CUX1: variants seen among roughly 807,000 people sequenced by gnomAD.
CUX1 encodes the protein cut like homeobox 1, also known as protein CASP.
In CUX1, 31 loss-of-function variants were observed where a neutral mutation model predicts 158.8. That is an observed-to-expected ratio of 0.20 (90% CI 0.15 to 0.26). The LOEUF is 0.26. Among genes scored for constraint, CUX1 ranks in the 10% least tolerant of loss-of-function variants. The probability of loss-of-function intolerance (pLI) is 1.00; values close to 1 mark genes in which losing one functional copy is unlikely to be tolerated. For synonymous variants in CUX1, 879 were observed against 862.1 expected (o/e 1.02, Z -0.34); for missense variants, 1,589 against 2,014.6 (o/e 0.79, Z 4.04).
chr7:101,858,871 G>C (rs1797156745), intron 1 of CUX1, among the ~76,000 whole-genome samples: 1 of 152,030 alleles, frequency 6.6e-6, no homozygotes, highest in South Asian at 2.1e-4. Context: ...TCGCCATGTT[G>C]GCCAGGCTGG....
chr7:101,839,618 G>A (rs139765219), intron 1 of CUX1, among the ~76,000 whole-genome samples: 2,356 of 151,636 alleles, frequency 0.016, 41 homozygotes, highest in Non-Finnish European at 0.02. Flanking sequence ...TTTTATACTT[G>A]TCAGCTTTTC....
downstream of CUX1, among the ~76,000 whole-genome samples, chr7:102,260,296 C>G (rs1217628129): frequency 6.7e-6 from 1 of 149,724 alleles, no homozygotes; most frequent in Non-Finnish European, 1.5e-5. Flanking sequence ...ACCATGTTGC[C>G]CAGGCTGGTC....
At chr7:101,853,584 G>GGGGTGTGTGTGTGT (rs754780783) in intron 1 of CUX1, among the ~76,000 whole-genome samples, 19 of 140,866 alleles carry the variant, frequency 1.3e-4, no homozygotes, top group African/African-American at 4.9e-4. Context: ...CAATAGAAAG[G>GGGGTGTGTGTGTGT]GTGTGTGTGT....
chr7:102,057,929 TTG>T (rs1269496035), intron 3 of CUX1, among the ~76,000 whole-genome samples: 1 of 152,176 alleles, frequency 6.6e-6, no homozygotes, highest in Non-Finnish European at 1.5e-5. Flanking sequence ...CACAGAAATC[TTG>T]TGTTAACGAA....
At position 101,874,724 on chromosome 7, in the gene CUX1, G is replaced by C. The variant is rs552953815; in HGVS notation, c.31-41391G>C. 5.1e-4 allele frequency among the ~76,000 whole-genome samples: 78 copies of C among 152,324 alleles called. No individual in the cohort carries two copies. In the South Asian group the frequency reaches 0.016, roughly 31 times the overall value. On this transcript the variant is annotated intron_variant, in intron 1 of 23. Coordinates refer to ENST00000292535, the MANE Select transcript of CUX1 (RefSeq NM_181552.4). ...TGGCATCGTGAACTCAGGGGAAACA[G>C]ATGGGGAATCTGTTGTTGTAACAAA...
chr7:102,101,067 A>C (rs2130945048), intron 5 of CUX1, among the ~76,000 whole-genome samples: 1 of 152,248 alleles, frequency 6.6e-6, no homozygotes, highest in South Asian at 2.1e-4. Flanking sequence ...GTGACTCATC[A>C]CCAGAGAGAG....
chr7:102,173,891 T>A (rs1792008040), intron 10 of CUX1, among the ~76,000 whole-genome samples: 1 of 152,100 alleles, frequency 6.6e-6, no homozygotes. Context: ...GGGTTCCAGC[T>A]GCAGCCAGTT....
intron 20 of CUX1, among the ~76,000 whole-genome samples, chr7:102,220,316 G>T (rs1441593724): frequency 6.6e-6 from 1 of 152,204 alleles, no homozygotes; most frequent in African/African-American, 2.4e-5. Flanking sequence ...AGCCGAGATT[G>T]CACCACTACA....
At chr7:102,018,255 C>T (rs1818904512) in intron 2 of CUX1, among the ~76,000 whole-genome samples, 1 of 152,198 alleles carries the variant, frequency 6.6e-6, no homozygotes. Flanking sequence ...GCCACTGTGC[C>T]CAGTCAGAGG....
chr7:101,971,111 C>G (rs570273615), intron 2 of CUX1, among the ~76,000 whole-genome samples: 16 of 152,342 alleles, frequency 1.1e-4, no homozygotes, highest in African/African-American at 3.8e-4. Context: ...TCTGGGGAGA[C>G]TGAGGCTCAG....
At chr7:102,136,392 CT>C (rs376020876) in intron 8 of CUX1, among the ~76,000 whole-genome samples, 1,521 of 145,988 alleles carry the variant, frequency 0.01, 12 homozygotes, top group South Asian at 0.037. Flanking sequence ...ATTTTACCAA[CT>C]TTTTTTTTTT....
chr7:102,028,224 T>C, intron 3 of CUX1, 79 bp downstream of exon 3: 1 of 1,498,098 alleles, frequency 6.7e-7, no homozygotes, highest in South Asian at 1.1e-5. Flanking sequence ...AAAGAAATGC[T>C]CCGGGCAAAA....
intron 1 of CUX1, among the ~76,000 whole-genome samples, chr7:101,871,555 A>G (rs906983836): frequency 1.3e-5 from 2 of 152,152 alleles, no homozygotes; most frequent in Non-Finnish European, 2.9e-5. Context: ...TGAGACAGGT[A>G]CAGGAGTGTC....
chr7:102,033,581 G>A (rs554948919), intron 3 of CUX1, among the ~76,000 whole-genome samples: 15 of 152,282 alleles, frequency 9.9e-5, no homozygotes, highest in Middle Eastern at 3.4e-3. Context: ...TACTGAAGTC[G>A]AAAAAGTTCC....
intron 2 of CUX1, among the ~76,000 whole-genome samples, chr7:101,993,234 G>T (rs1815377388): frequency 1.3e-5 from 2 of 152,190 alleles, no homozygotes; most frequent in African/African-American, 2.4e-5. Flanking sequence ...TGAGGCTGAG[G>T]CAGGAGAATC....
intron 1 of CUX1, among the ~76,000 whole-genome samples, chr7:101,854,341 C>A (rs1187540844): frequency 1.3e-5 from 2 of 152,156 alleles, no homozygotes; most frequent in Admixed American, 1.3e-4. Context: ...GTCTGCAGAG[C>A]AACTTTATGA....
intron 1 of CUX1, among the ~76,000 whole-genome samples, chr7:101,830,084 C>T (rs986607214): frequency 4.6e-5 from 7 of 152,162 alleles, no homozygotes; most frequent in Admixed American, 3.9e-4. Context: ...GGGCTATGCC[C>T]CTGGGTGCTG....
intron 2 of CUX1, among the ~76,000 whole-genome samples, chr7:101,967,078 A>G (rs1342047451): frequency 3.3e-5 from 5 of 151,974 alleles, no homozygotes; most frequent in Non-Finnish European, 1.5e-5. Context: ...TAGTGGCGCA[A>G]TCTCGGCTTA....
In CUX1 at chr7:101,875,254, C is replaced by T. The variant is rs141741143; in HGVS notation, c.31-40861C>T. On this transcript the variant is annotated intron_variant, in intron 1 of 23. Coordinates refer to ENST00000292535, the MANE Select transcript of CUX1 (RefSeq NM_181552.4). ...TCAGTTTGCAAGCTCTTTCAGGTAC[C>T]GTCAGCCACATGCCAGGCCTTCAGT... is the stretch of plus-strand genomic sequence containing the variant. Among the ~76,000 whole-genome samples the T allele has an allele frequency of 2.6e-4, 39 of 152,248 alleles. No individual in the cohort carries two copies. In the East Asian group the frequency reaches 6.8e-3, roughly 26 times the overall value.
Sources: gnomAD v4.1 joint callset for allele counts (sites outside exome capture counted in the v4.1 genomes callset) on GRCh38, gnomAD v4.1.1 for gene constraint, MANE v1.5 for transcripts, NCBI Gene and HGNC (gene_info 2026-07-23, HGNC 2026-07-21) for gene names.